Variants in ARSB observed in about 807,000 individuals in gnomAD.
The protein encoded by ARSB is N-acetylgalactosamine-4-sulfatase.
ARSB carries 41 observed loss-of-function variants against 50.9 expected under a neutral mutation model. The ratio of observed to expected loss-of-function variants is 0.81; its 90% confidence interval spans 0.63 to 1.04. The LOEUF is 1.04. Ranked by LOEUF, ARSB falls within the 50% of genes least tolerant of loss-of-function variation. The pLI, the probability that ARSB is intolerant of heterozygous loss-of-function variation, is 0.00. For missense variants in ARSB, 672 were observed against 693.3 expected (o/e 0.97, Z 0.35); for synonymous variants, 269 against 284.8 (o/e 0.94, Z 0.56).
intron 4 of ARSB, among the ~76,000 whole-genome samples, chr5:78,907,401 G>A (rs1403661447): frequency 6.6e-6 from 1 of 152,180 alleles, no homozygotes; most frequent in Non-Finnish European, 1.5e-5. Flanking sequence ...TCAGAGTGAG[G>A]ACTGGAGGCC....
At chr5:78,946,073 AAATG>A (rs1212083524) in intron 4 of ARSB, among the ~76,000 whole-genome samples, 1 of 152,234 alleles carries the variant, frequency 6.6e-6, no homozygotes, top group African/African-American at 2.4e-5. Context: ...CGGAGTGAAT[AAATG>A]AATGGTCAAT....
At chr5:78,837,905 C>A (rs1262542540) in intron 6 of ARSB, among the ~76,000 whole-genome samples, 1 of 152,148 alleles carries the variant, frequency 6.6e-6, no homozygotes, top group African/African-American at 2.4e-5. Flanking sequence ...TGCGTTTACT[C>A]CAAAAGAAAT....
At chr5:78,886,778 A>AG (rs1748056340) in intron 4 of ARSB, among the ~76,000 whole-genome samples, 1 of 151,674 alleles carries the variant, frequency 6.6e-6, no homozygotes, top group Non-Finnish European at 1.5e-5. Flanking sequence ...TAAAAAAAAA[A>AG]CCCACTATTA....
intron 4 of ARSB, among the ~76,000 whole-genome samples, chr5:78,937,325 T>TATATATGTAAG (rs1483754423): frequency 8.6e-5 from 5 of 57,970 alleles, no homozygotes; most frequent in South Asian, 1.2e-3. Context: ...ATATGTAAGA[T>TATATATGTAAG]ATATATATGT....
chr5:78,862,398 T>C (rs1746487708), intron 5 of ARSB, among the ~76,000 whole-genome samples: 1 of 152,214 alleles, frequency 6.6e-6, no homozygotes, highest in South Asian at 2.1e-4. Flanking sequence ...AACAGCATGG[T>C]ACTGGTACCA....
chr5:78,930,193 A>G (rs1370923008), intron 4 of ARSB, among the ~76,000 whole-genome samples: 1 of 152,216 alleles, frequency 6.6e-6, no homozygotes, highest in East Asian at 1.9e-4. Context: ...TACGGCCAGC[A>G]CTGTCAGCGC....
chr5:78,951,349 C>T (rs1399006689), intron 4 of ARSB, among the ~76,000 whole-genome samples: 1 of 151,884 alleles, frequency 6.6e-6, no homozygotes, highest in Non-Finnish European at 1.5e-5. Flanking sequence ...TACTAACAAG[C>T]TTGGAAGAAA....
At chr5:78,899,574 A>T (rs1748712361) in intron 4 of ARSB, among the ~76,000 whole-genome samples, 2 of 151,986 alleles carry the variant, frequency 1.3e-5, no homozygotes, top group Non-Finnish European at 1.5e-5. Context: ...GAGCTCATAG[A>T]TTCTTTCCTC....
intron 4 of ARSB, among the ~76,000 whole-genome samples, chr5:78,906,810 T>C (rs1749087705): frequency 6.6e-6 from 1 of 152,206 alleles, no homozygotes; most frequent in Non-Finnish European, 1.5e-5. Context: ...GGGAAGGTGG[T>C]GCCCATGATT....
At chr5:78,962,524 ATTTTT>A (rs10683109) in intron 3 of ARSB, among the ~76,000 whole-genome samples, 1 of 106,220 alleles carries the variant, frequency 9.4e-6, no homozygotes, top group Non-Finnish European at 1.8e-5. Flanking sequence ...CATGTGCTCG[ATTTTT>A]TTTTTTTTTT....
chr5:78,868,246 T>G (rs1173564811), intron 5 of ARSB, among the ~76,000 whole-genome samples: 1 of 132,810 alleles, frequency 7.5e-6, no homozygotes, highest in East Asian at 2.0e-4. Flanking sequence ...CTGCAGGATA[T>G]TATCCAGGAG....
At position 78,956,220 on chromosome 5, in the gene ARSB, T is replaced by C. The variant is rs987730116; in HGVS notation, c.691-718A>G. ...TAAAGTATTGATACATACTACAACA[T>C]AGATAAACCTTGAAAACATTATACT... On this transcript the variant is annotated intron_variant, in intron 3 of 7. Transcript: ENST00000264914. Among the ~76,000 whole-genome samples, 5 of 152,196 alleles carry C rather than the reference T, an allele frequency of 3.3e-5. No homozygotes were observed. In the South Asian group the frequency reaches 6.2e-4, roughly 19 times the overall value.
intron 4 of ARSB, among the ~76,000 whole-genome samples, chr5:78,916,974 G>A (rs1248570217): frequency 6.6e-6 from 1 of 152,208 alleles, no homozygotes; most frequent in South Asian, 2.1e-4. Flanking sequence ...AATAAGGAAA[G>A]CAAATAATAA....
intron 4 of ARSB, among the ~76,000 whole-genome samples, chr5:78,948,449 A>G (rs568833231): frequency 6.6e-6 from 1 of 152,290 alleles, no homozygotes; most frequent in South Asian, 2.1e-4. Context: ...ATAAAAATAA[A>G]AAATAGAAAT....
In ARSB at chr5:78,778,380, G is replaced by T. The variant is rs1436735005; in HGVS notation, c.*2017C>A. The T allele has an allele frequency of 6.6e-6, 1 of 152,190 alleles. No individual in the cohort carries two copies. Among genetic ancestry groups the T allele is most frequent in the East Asian group, 1.9e-4 (1 of 5,198 alleles). 9.4% of individuals were successfully genotyped at this position (152,190 alleles called of 1,614,324 possible). A position where few individuals can be genotyped will look rare whatever the true frequency, so the allele number is the denominator to read the frequency against. On this transcript the variant is annotated 3_prime_UTR_variant, in exon 8 of 8. Coordinates refer to ENST00000264914, the MANE Select transcript of ARSB (RefSeq NM_000046.5). ...AGGTTAGTAGTGACCAGAAAATATT[G>T]CTACTGAATTGAAGGATGACTATAC... is the stretch of plus-strand genomic sequence containing the variant.
chr5:78,956,848 G>A (rs1479965469), intron 3 of ARSB, among the ~76,000 whole-genome samples: 1 of 152,152 alleles, frequency 6.6e-6, no homozygotes, highest in Non-Finnish European at 1.5e-5. Flanking sequence ...TTACGATATG[G>A]ATGTGTACCA....
rs569332727 is a variant in ARSB, at chr5:78,949,681, G to A, written c.898+5614C>T. ...TCCGAGCACTCTGAGAGGCTGAGGT[G>A]GGTGGATTGCCTGAGCTCAGGAGTT... On this transcript the variant is annotated intron_variant, in intron 4 of 7. Transcript: ENST00000264914. 4.6e-5 allele frequency among the ~76,000 whole-genome samples: 7 copies of A among 152,308 alleles called. No individual in the cohort carries two copies. The South Asian group carries it at 1.5e-3, about 32-fold the overall frequency.
At chr5:78,939,396 G>C (rs61536252) in intron 4 of ARSB, among the ~76,000 whole-genome samples, 77 of 151,680 alleles carry the variant, frequency 5.1e-4, no homozygotes, top group African/African-American at 1.0e-3. Context: ...TCATCATTTA[G>C]CATTAGGTAT....
intron 6 of ARSB, among the ~76,000 whole-genome samples, chr5:78,790,289 T>C (rs1749201739): frequency 2.6e-5 from 4 of 152,138 alleles, no homozygotes. Flanking sequence ...CATCACTCAC[T>C]GGCTGTGTGA....
Sources: gnomAD v4.1 joint callset for allele counts (sites outside exome capture counted in the v4.1 genomes callset) on GRCh38, gnomAD v4.1.1 for gene constraint, MANE v1.5 for transcripts, NCBI Gene and HGNC (gene_info 2026-07-23, HGNC 2026-07-21) for gene names.